Variants in ST3GAL1 observed in about 807,000 individuals in gnomAD.
The protein encoded by ST3GAL1 is ST3 beta-galactoside alpha-2,3-sialyltransferase 1, also known as CMP-N-acetylneuraminate-beta-galactosamide-alpha-2,3-sialyltransferase 1.
ST3GAL1 carries 16 observed loss-of-function variants against 34.1 expected under a neutral mutation model. The ratio of observed to expected loss-of-function variants is 0.47; its 90% CI spans 0.32 to 0.71. The LOEUF is 0.71. Among genes scored for constraint, ST3GAL1 ranks in the 30% least tolerant of loss-of-function variants. The probability of loss-of-function intolerance (pLI) is 0.04; values close to 1 mark genes in which losing one functional copy is unlikely to be tolerated. For synonymous variants in ST3GAL1, 191 were observed against 184.7 expected (o/e 1.03, Z -0.28); for missense variants, 353 against 447.4 (o/e 0.79, Z 1.90).
At position 133,462,014 on chromosome 8, in the gene ST3GAL1, C is replaced by G; in HGVS notation, c.730-20G>C. On this transcript the variant is annotated intron_variant, in intron 8 of 9. Transcript: ENST00000522652. ...CAGGATCTGCGGGGATGGGAAGACA[C>G]GGCCCTTAGTGAGTTCTGGGGGGCA... 6.2e-7 allele frequency: 1 copy of G among 1,613,754 alleles called. No homozygotes were observed. The highest frequency in any genetic ancestry group is 8.5e-7 in the Non-Finnish European group (1 of 1,179,840).
chr8:133,464,645 C>T (rs1815655850), intron 7 of ST3GAL1, 133 bp downstream of exon 7: 1 of 953,198 alleles, frequency 1.0e-6, no homozygotes, highest in Non-Finnish European at 1.6e-6. Flanking sequence ...GGGAACTGGG[C>T]TTGTGTGTGC....
intron 2 of ST3GAL1, among the ~76,000 whole-genome samples, chr8:133,512,817 G>A (rs1387792515): frequency 6.6e-6 from 1 of 152,206 alleles, no homozygotes; most frequent in Non-Finnish European, 1.5e-5. Flanking sequence ...TTATAGGATA[G>A]GAAAGTTATA....
intron 2 of ST3GAL1, among the ~76,000 whole-genome samples, chr8:133,501,312 G>A (rs1490347628): frequency 2.0e-5 from 3 of 152,190 alleles, no homozygotes; most frequent in Non-Finnish European, 4.4e-5. Context: ...CAGGCAGCTA[G>A]AGTAAGTTCT....
chr8:133,502,445 T>C (rs545319070), intron 2 of ST3GAL1, among the ~76,000 whole-genome samples: 15 of 137,570 alleles, frequency 1.1e-4, no homozygotes, highest in Non-Finnish European at 2.2e-4. Flanking sequence ...AAAAAAGAGG[T>C]GCCAGAAAGC....
In ST3GAL1 at chr8:133,479,862, T is replaced by A. The variant is rs952993458; in HGVS notation, c.-373-3262A>T. On this transcript the variant is annotated intron_variant, in intron 3 of 9. Transcript: ENST00000522652. ...TCCAAAGCCCTGGATAAAACTGCAA[T>A]GGAAAAGCAAGAACACCGCTATACC... Among the ~76,000 whole-genome samples the A allele has an allele frequency of 2.8e-4, 42 of 152,056 alleles. 1 individual carries two copies. The highest frequency in any genetic ancestry group is 5.7e-4 in the Non-Finnish European group (39 of 68,006).
At chr8:133,462,413 A>G (rs1295332761) in intron 8 of ST3GAL1, among the ~76,000 whole-genome samples, 1 of 152,154 alleles carries the variant, frequency 6.6e-6, no homozygotes, top group Non-Finnish European at 1.5e-5. Flanking sequence ...AATCATCGCC[A>G]ATCCTTAAAA....
chr8:133,468,372 GA>G (rs1815825821), intron 5 of ST3GAL1, among the ~76,000 whole-genome samples: 2 of 152,160 alleles, frequency 1.3e-5, no homozygotes. Context: ...GACATAGAAG[GA>G]AAAATATTAT....
rs528502957 is a variant in ST3GAL1 at position 133,555,971 on chromosome 8, G to A, written c.-581-10045C>T. Among the ~76,000 whole-genome samples the A allele has an allele frequency of 1.6e-4, 24 of 152,234 alleles. No homozygotes were observed. In the East Asian group the frequency reaches 4.6e-3, roughly 29 times the overall value. On this transcript the variant is annotated intron_variant, in intron 1 of 9. Coordinates refer to ENST00000522652, the MANE Select transcript of ST3GAL1 (RefSeq NM_173344.3). Reference sequence around the variant, plus strand: ...TGGAGTGGCACGGTCTCGGCTCACTGCAACCTCCGCCTCCCAAGTTCAAGC... The same window carrying A: ...TGGAGTGGCACGGTCTCGGCTCACTACAACCTCCGCCTCCCAAGTTCAAGC...
chr8:133,523,161 G>T (rs1276741699), intron 2 of ST3GAL1, among the ~76,000 whole-genome samples: 3 of 152,214 alleles, frequency 2.0e-5, no homozygotes, highest in Non-Finnish European at 2.9e-5. Context: ...GCTGAGAGGG[G>T]AGTTGCGTGG....
chr8:133,506,796 A>T lies in ST3GAL1; in HGVS notation c.-428-7607T>A, dbSNP rs551453407. On this transcript the variant is annotated intron_variant, in intron 2 of 9. Transcript: ENST00000522652. ...GTGAGACTTTGTCCCAAAAAAAAGAAAAAAAAAGCTGGGCTGGGTGTGGTG... is the reference window on the plus strand; with the variant it reads ...GTGAGACTTTGTCCCAAAAAAAAGATAAAAAAAGCTGGGCTGGGTGTGGTG... Among the ~76,000 whole-genome samples, 6 of 149,314 alleles carry T rather than the reference A, an allele frequency of 4.0e-5. No homozygotes were observed. In the East Asian group the frequency reaches 1.0e-3, roughly 25 times the overall value.
At chr8:133,564,023 T>C (rs1425835006) in intron 1 of ST3GAL1, among the ~76,000 whole-genome samples, 4 of 152,200 alleles carry the variant, frequency 2.6e-5, no homozygotes, top group Admixed American at 2.6e-4. Flanking sequence ...CCTGCCTCTT[T>C]TGCAACAAAT....
intron 1 of ST3GAL1, among the ~76,000 whole-genome samples, chr8:133,555,278 T>C (rs1295915949): frequency 6.6e-6 from 1 of 152,162 alleles, no homozygotes. Context: ...AACAGCACGC[T>C]TCCCTGGTGT....
chr8:133,521,409 C>T (rs1218266186), intron 2 of ST3GAL1, among the ~76,000 whole-genome samples: 1 of 152,120 alleles, frequency 6.6e-6, no homozygotes. Flanking sequence ...AGCAATTCTC[C>T]TGCCTCAGCC....
intron 2 of ST3GAL1, among the ~76,000 whole-genome samples, chr8:133,506,065 T>C (rs1281913794): frequency 3.9e-5 from 6 of 152,178 alleles, no homozygotes; most frequent in Non-Finnish European, 2.9e-5. Context: ...TGCTTAACAG[T>C]CTCATGTGGC....
intron 1 of ST3GAL1, among the ~76,000 whole-genome samples, chr8:133,546,642 T>C (rs142883709): frequency 1.3e-5 from 2 of 152,222 alleles, no homozygotes; most frequent in African/African-American, 4.8e-5. Flanking sequence ...AAGATATGAA[T>C]GTGAAAGTGT....
chr8:133,540,780 C>CAT (rs377640953), intron 2 of ST3GAL1, among the ~76,000 whole-genome samples: 72 of 79,914 alleles, frequency 9.0e-4, no homozygotes, highest in South Asian at 4.8e-3. Flanking sequence ...TATATAGAGA[C>CAT]ATATATATAT....
At chr8:133,532,919 T>C (rs530243898) in intron 2 of ST3GAL1, among the ~76,000 whole-genome samples, 2 of 152,154 alleles carry the variant, frequency 1.3e-5, no homozygotes, top group African/African-American at 2.4e-5. Context: ...TAACTTCTGC[T>C]TCACTCCTTC....
intron 2 of ST3GAL1, among the ~76,000 whole-genome samples, chr8:133,505,919 T>C (rs1472527719): frequency 3.3e-5 from 5 of 152,200 alleles, no homozygotes. Context: ...TAATTAAACT[T>C]ATATTTTAAA....
At chr8:133,530,280 A>AT (rs1277955889) in intron 2 of ST3GAL1, among the ~76,000 whole-genome samples, 8 of 81,638 alleles carry the variant, frequency 9.8e-5, no homozygotes, top group Non-Finnish European at 1.4e-4. Context: ...TTTTTTCTTT[A>AT]TTTTTATTTT....
Sources: gnomAD v4.1 joint callset for allele counts (sites outside exome capture counted in the v4.1 genomes callset) on GRCh38, gnomAD v4.1.1 for gene constraint, MANE v1.5 for transcripts, NCBI Gene and HGNC (gene_info 2026-07-23, HGNC 2026-07-21) for gene names.